Variants in IQSEC1 observed in about 807,000 individuals in gnomAD.
IQSEC1 encodes the protein IQ motif and SEC7 domain-containing protein 1.
A neutral mutation model predicts 91.0 loss-of-function variants in IQSEC1; 31 were observed. The ratio of observed to expected loss-of-function variants is 0.34; its 90% confidence interval spans 0.26 to 0.46. The LOEUF is 0.46. IQSEC1 is among the 20% of genes least tolerant of loss of function. The pLI is 1.00. For synonymous variants in IQSEC1, 699 were observed against 662.6 expected (o/e 1.05, Z -0.84); for missense variants, 1,388 against 1,575.6 (o/e 0.88, Z 2.02).
At chr3:13,068,074 G>A (rs1352614932) in intron 1 of IQSEC1, among the ~76,000 whole-genome samples, 2 of 152,258 alleles carry the variant, frequency 1.3e-5, no homozygotes, top group Non-Finnish European at 2.9e-5. Flanking sequence ...CTTAGGCCCA[G>A]TGCCTGTGCT....
At chr3:13,118,904 CACT>C (rs1343685914) in intron 2 of IQSEC1, among the ~76,000 whole-genome samples, 1 of 152,054 alleles carries the variant, frequency 6.6e-6, no homozygotes, top group East Asian at 1.9e-4. Flanking sequence ...GAAACCCCGT[CACT>C]ACTAAAAATA....
intron 2 of IQSEC1, among the ~76,000 whole-genome samples, chr3:13,094,463 A>T (rs1390133161): frequency 6.6e-6 from 1 of 152,144 alleles, no homozygotes; most frequent in Non-Finnish European, 1.5e-5. Context: ...CAAACCACAG[A>T]GGCTGGCGAG....
rs140323640 is a variant in IQSEC1, at chr3:13,236,013, T to C, written c.272+46698A>G. On this transcript the variant is annotated intron_variant, in intron 1 of 15. Transcript: ENST00000648114. ...GCAGCTTCCTTAAGAGTTTGTCTCCTGAAAATGAAGTGAATGGATCTTGCC... is the reference window on the plus strand; with the variant it reads ...GCAGCTTCCTTAAGAGTTTGTCTCCCGAAAATGAAGTGAATGGATCTTGCC... Among the ~76,000 whole-genome samples the C allele has an allele frequency of 1.2e-3, 187 of 152,278 alleles. 1 individual carries two copies. The highest frequency in any genetic ancestry group is 4.1e-3 in the African/African-American group (170 of 41,560).
chr3:13,141,654 AAAAG>A (rs1706801027), intron 2 of IQSEC1, among the ~76,000 whole-genome samples: 2 of 152,318 alleles, frequency 1.3e-5, no homozygotes, highest in Middle Eastern at 3.4e-3. Flanking sequence ...ACCCAGAAGA[AAAAG>A]AAAGCCTCCT....
chr3:13,033,357 G>C (rs1306501685), intron 1 of IQSEC1, among the ~76,000 whole-genome samples: 1 of 152,142 alleles, frequency 6.6e-6, no homozygotes, highest in Non-Finnish European at 1.5e-5. Flanking sequence ...ACAGAAATGA[G>C]TTTCCTCACA....
rs1485381205 is a variant in IQSEC1 at position 13,259,721 on chromosome 3, G to A, written c.272+22990C>T. ...AAACCTCCTTTCTTCCTGCCCTCCC[G>A]TGGGAGCCTCCAATGCTTACCTCCA... On this transcript the variant is annotated intron_variant, in intron 1 of 15. Coordinates refer to the IQSEC1 transcript ENST00000648114. This position sits in a 1 kb window ranked among gnomAD's most constrained non-coding sequence, Gnocchi z 4.6. Among the ~76,000 whole-genome samples the A allele has an allele frequency of 2.0e-5, 3 of 152,234 alleles. No homozygotes were observed. The highest frequency in any genetic ancestry group is 2.1e-4 in the South Asian group (1 of 4,824).
At chr3:13,185,173 AC>A (rs1317660459) in intron 1 of IQSEC1, among the ~76,000 whole-genome samples, 1 of 152,102 alleles carries the variant, frequency 6.6e-6, no homozygotes, top group Non-Finnish European at 1.5e-5. Context: ...TCCTGCTGTG[AC>A]CTGCGGCCTG....
At chr3:12,937,963 C>T (rs1698352251) in intron 2 of IQSEC1, among the ~76,000 whole-genome samples, 1 of 152,144 alleles carries the variant, frequency 6.6e-6, no homozygotes, top group Admixed American at 6.5e-5. Context: ...GCGGGGTGAA[C>T]CCTGGGTGCT....
chr3:12,991,040 A>G (rs1310618950), intron 1 of IQSEC1, among the ~76,000 whole-genome samples: 1 of 152,132 alleles, frequency 6.6e-6, no homozygotes, highest in East Asian at 1.9e-4. Flanking sequence ...TTCCAAACTG[A>G]CGCTTGCTAT....
intron 1 of IQSEC1, among the ~76,000 whole-genome samples, chr3:12,945,276 G>A: frequency 6.6e-6 from 1 of 151,978 alleles, no homozygotes; most frequent in East Asian, 1.9e-4. Flanking sequence ...ATTCCGCTCT[G>A]GGCACTCCTG....
chr3:13,135,801 G>C (rs1258366054), intron 2 of IQSEC1, among the ~76,000 whole-genome samples: 1 of 152,238 alleles, frequency 6.6e-6, no homozygotes, highest in East Asian at 1.9e-4. Flanking sequence ...TCAGCCAGCA[G>C]AGCCACTGGA....
At chr3:13,016,356 G>A (rs1319589168) in intron 1 of IQSEC1, among the ~76,000 whole-genome samples, 2 of 152,182 alleles carry the variant, frequency 1.3e-5, no homozygotes, top group Non-Finnish European at 2.9e-5. Context: ...CTAAACAGTG[G>A]CCGGCCGCCA....
In IQSEC1 at chr3:12,935,987, C is replaced by T. The variant is rs761807728; in HGVS notation, c.1029G>A (p.Thr343=). Residue 343 remains threonine (T), a synonymous_variant, in exon 3 of 14, where the codon ACG becomes ACA. Transcript: ENST00000613206. The surrounding 1 kb of genome is among the most constrained non-coding windows in gnomAD (Gnocchi z 8.0). ...AHKEDKADTD[T]SCRSTPSLER... is the part of the protein sequence containing the mutation. ...CCAGCGACGGCGTGCTCCGGCAGCTCGTGTCCGTGTCAGCCTTGTCCTCTT... is the reference window on the plus strand; with the variant it reads ...CCAGCGACGGCGTGCTCCGGCAGCTTGTGTCCGTGTCAGCCTTGTCCTCTT... 14 of 1,599,642 alleles carry T rather than the reference C, an allele frequency of 8.8e-6. No homozygotes were observed. Among genetic ancestry groups the T allele is most frequent in the East Asian group, 4.5e-5 (2 of 44,842 alleles).
At chr3:12,902,659 A>T in intron 13 of IQSEC1, 114 bp downstream of exon 13, 1 of 89,806 alleles carries the variant, frequency 1.1e-5, no homozygotes, top group Non-Finnish European at 2.2e-5. Context: ...AAAAAACAAC[A>T]AAAAAAAAAC....
Position 12,983,337 on chromosome 3 carries a change from G to C in IQSEC1, c.24-41472C>G. Among the ~76,000 whole-genome samples, 1 of 152,206 alleles carries C rather than the reference G, an allele frequency of 6.6e-6. No individual in the cohort carries two copies. The highest frequency in any genetic ancestry group is 6.5e-5 in the Admixed American group (1 of 15,280). On this transcript the variant is annotated intron_variant, in intron 1 of 13. Transcript: ENST00000613206. This position sits in a 1 kb window ranked among gnomAD's most constrained non-coding sequence, Gnocchi z 4.3. Reference sequence around the variant, plus strand: ...AGAGCAGTCCTCGGAGGGGATGAAAGGTGGCGTGGTGACAACTGCAGTCTG... The same window carrying C: ...AGAGCAGTCCTCGGAGGGGATGAAACGTGGCGTGGTGACAACTGCAGTCTG...
At chr3:13,151,670 A>G (rs1707001882) in intron 2 of IQSEC1, among the ~76,000 whole-genome samples, 1 of 152,226 alleles carries the variant, frequency 6.6e-6, no homozygotes, top group Non-Finnish European at 1.5e-5. Flanking sequence ...ACATCACTAG[A>G]AAGAGTTCTC....
At chr3:12,945,469 G>A (rs1243594738) in intron 1 of IQSEC1, among the ~76,000 whole-genome samples, 3 of 151,458 alleles carry the variant, frequency 2.0e-5, no homozygotes, top group Middle Eastern at 3.4e-3. Context: ...ATCTGTCACC[G>A]GGTCCTGTCC....
intron 1 of IQSEC1, among the ~76,000 whole-genome samples, chr3:13,053,911 G>A (rs1257037787): frequency 1.3e-5 from 2 of 152,194 alleles, no homozygotes; most frequent in Non-Finnish European, 2.9e-5. Context: ...AACTCCCTGG[G>A]GATACCCCAG....
chr3:13,080,542 C>T (rs778076657), intron 2 of IQSEC1, among the ~76,000 whole-genome samples: 2 of 152,120 alleles, frequency 1.3e-5, no homozygotes, highest in Middle Eastern at 3.4e-3. Flanking sequence ...CTCAGCCCTG[C>T]AGGAGAAGAG....
Sources: gnomAD v4.1 joint callset for allele counts (sites outside exome capture counted in the v4.1 genomes callset) on GRCh38, gnomAD v4.1.1 for gene constraint, Gnocchi (gnomAD v3.1) non-coding constraint, MANE v1.5 for transcripts, NCBI Gene and HGNC (gene_info 2026-07-23, HGNC 2026-07-21) for gene names.